Variants in GABRG3 observed in about 807,000 individuals in gnomAD.
GABRG3 encodes the protein gamma-aminobutyric acid receptor subunit gamma-3.
Under a neutral mutation model 48.8 loss-of-function variants are expected in GABRG3, and 25 were observed. The observed-to-expected ratio is 0.51, with a 90% CI of 0.37 to 0.72. The LOEUF (loss-of-function observed/expected upper bound fraction) is 0.72, where lower values mean the gene tolerates loss of function less well. GABRG3 is among the 30% of genes least tolerant of loss of function. The pLI, the probability that GABRG3 is intolerant of heterozygous loss-of-function variation, is 0.00. For synonymous variants in GABRG3, 227 were observed against 217.6 expected (o/e 1.04, Z -0.38); for missense variants, 394 against 577.9 (o/e 0.68, Z 3.26).
At chr15:26,981,534 C>A (rs1485653869) in intron 2 of GABRG3, among the ~76,000 whole-genome samples, 1 of 152,114 alleles carries the variant, frequency 6.6e-6, no homozygotes, top group Non-Finnish European at 1.5e-5. Context: ...TATATCCTTG[C>A]CTATTTTCTG....
At chr15:27,256,426 G>C (rs568198870) in intron 3 of GABRG3, among the ~76,000 whole-genome samples, 93 of 129,790 alleles carry the variant, frequency 7.2e-4, no homozygotes, top group South Asian at 3.4e-3. Context: ...GGGCGACAGA[G>C]CAAGACTCCG....
At chr15:27,394,504 T>C (rs1391180608) in intron 5 of GABRG3, among the ~76,000 whole-genome samples, 1 of 152,174 alleles carries the variant, frequency 6.6e-6, no homozygotes. Flanking sequence ...TACATTGGCA[T>C]TGTCTTTTAT....
intron 3 of GABRG3, among the ~76,000 whole-genome samples, chr15:27,247,877 A>G (rs996008626): frequency 1.1e-4 from 16 of 152,258 alleles, no homozygotes; most frequent in East Asian, 1.9e-4. Context: ...CCATGATTCA[A>G]TTATCTCCCA....
chr15:27,181,003 A>C (rs118185939), intron 3 of GABRG3, among the ~76,000 whole-genome samples: 48 of 152,282 alleles, frequency 3.2e-4, no homozygotes, highest in East Asian at 3.9e-4. Context: ...GTAGTTCACA[A>C]CTTCATGAGA....
chr15:27,269,663 G>C (rs1891021121), intron 3 of GABRG3, among the ~76,000 whole-genome samples: 1 of 152,142 alleles, frequency 6.6e-6, no homozygotes, highest in African/African-American at 2.4e-5. Context: ...TTCATCTTTT[G>C]TGTCTCAGGC....
intron 3 of GABRG3, among the ~76,000 whole-genome samples, chr15:27,096,838 C>CTTTTTTTTTTTTTTTT (rs34613626): frequency 7.9e-6 from 1 of 126,152 alleles, no homozygotes; most frequent in Non-Finnish European, 1.6e-5. Flanking sequence ...TTCTTTCTAT[C>CTTTTTTTTTTTTTTTT]TTTTTTTTTT....
chr15:27,225,054 A>G (rs1300396606), intron 3 of GABRG3, among the ~76,000 whole-genome samples: 6 of 152,128 alleles, frequency 3.9e-5, no homozygotes, highest in Non-Finnish European at 8.8e-5. Context: ...GACAAAGACT[A>G]GAGTTCCTTC....
At chr15:27,050,992 C>A (rs1595494319) in intron 3 of GABRG3, among the ~76,000 whole-genome samples, 1 of 152,256 alleles carries the variant, frequency 6.6e-6, no homozygotes, top group East Asian at 1.9e-4. Context: ...CAAATATGGT[C>A]AAATTTATAC....
At chr15:27,271,644 A>C (rs1891094861) in intron 3 of GABRG3, 2 of 455,710 alleles carry the variant, frequency 4.4e-6, no homozygotes, top group Non-Finnish European at 8.8e-6. Flanking sequence ...GTCTGTAAGT[A>C]CCTACTCTTA....
At chr15:27,272,247 G>A (rs1437808136) in intron 3 of GABRG3, among the ~76,000 whole-genome samples, 1 of 152,348 alleles carries the variant, frequency 6.6e-6, no homozygotes, top group South Asian at 2.1e-4. Flanking sequence ...GAGCTTTAAG[G>A]TTCATGGAAG....
chr15:27,020,195 G>A (rs1895862172), intron 2 of GABRG3, among the ~76,000 whole-genome samples: 5 of 152,096 alleles, frequency 3.3e-5, no homozygotes, highest in Non-Finnish European at 1.5e-5. Flanking sequence ...CAGTCAGGCC[G>A]CACCCTCCAT....
intron 5 of GABRG3, among the ~76,000 whole-genome samples, chr15:27,423,721 C>CTTTTTT (rs542775399): frequency 2.4e-4 from 20 of 81,778 alleles, no homozygotes; most frequent in South Asian, 4.7e-4. Context: ...TTTTCTTTTC[C>CTTTTTT]TTTTTTTTTT....
chr15:27,040,520 T>A (rs2140698245), intron 3 of GABRG3, among the ~76,000 whole-genome samples: 1 of 152,318 alleles, frequency 6.6e-6, no homozygotes, highest in African/African-American at 2.4e-5. Flanking sequence ...AAGGAAAATT[T>A]GATTTTATAA....
chr15:27,532,149 C>T (rs971492610), intron 9 of GABRG3, among the ~76,000 whole-genome samples: 1 of 152,122 alleles, frequency 6.6e-6, no homozygotes, highest in African/African-American at 2.4e-5. Context: ...TACTACAAAA[C>T]CACAGAAAAG....
At chr15:27,194,241 A>C (rs1412886008) in intron 3 of GABRG3, among the ~76,000 whole-genome samples, 2 of 152,206 alleles carry the variant, frequency 1.3e-5, no homozygotes, top group Non-Finnish European at 1.5e-5. Flanking sequence ...TCCTGTATAT[A>C]CGTTGAGCAC....
At chr15:27,463,869 C>T (rs1889523900) in intron 5 of GABRG3, among the ~76,000 whole-genome samples, 1 of 152,178 alleles carries the variant, frequency 6.6e-6, no homozygotes, top group African/African-American at 2.4e-5. Context: ...TCTCTTCGCT[C>T]TTCTCTCAGG....
intron 3 of GABRG3, among the ~76,000 whole-genome samples, chr15:27,210,386 A>G (rs1246406446): frequency 6.6e-6 from 1 of 152,194 alleles, no homozygotes; most frequent in Non-Finnish European, 1.5e-5. Context: ...CTTTTGACTC[A>G]TGTAGTTTTC....
intron 3 of GABRG3, among the ~76,000 whole-genome samples, chr15:27,299,850 A>G (rs1223059458): frequency 6.6e-6 from 1 of 152,196 alleles, no homozygotes; most frequent in Non-Finnish European, 1.5e-5. Flanking sequence ...CAGAGGCCCA[A>G]AAAACACATG....
intron 3 of GABRG3, among the ~76,000 whole-genome samples, chr15:27,112,594 C>T (rs939006852): frequency 6.6e-6 from 1 of 151,994 alleles, no homozygotes; most frequent in African/African-American, 2.4e-5. Context: ...GTGCCCCCCA[C>T]CACAGCCGCT....
Sources: allele counts gnomAD v4.1 joint callset (sites outside exome capture counted in the v4.1 genomes callset), GRCh38; gene constraint gnomAD v4.1.1; transcripts MANE v1.5; gene names NCBI Gene and HGNC (gene_info 2026-07-23, HGNC 2026-07-21).